ABCA3: variants seen among roughly 807,000 people sequenced by gnomAD.
The protein encoded by ABCA3 is ATP binding cassette subfamily A member 3, also known as phospholipid-transporting ATPase ABCA3.
Under a neutral mutation model 172.8 loss-of-function variants are expected in ABCA3, and 88 were observed. The observed-to-expected ratio is 0.51, with a 90% CI of 0.43 to 0.61. ABCA3 has a LOEUF of 0.61. Among genes scored for constraint, ABCA3 ranks in the 20% least tolerant of loss-of-function variants. The probability of loss-of-function intolerance (pLI) is 0.00; values close to 1 mark genes in which losing one functional copy is unlikely to be tolerated. For synonymous variants in ABCA3, 1,066 were observed against 983.8 expected, an observed-to-expected ratio of 1.08 and a Z score of -1.56; for missense variants, 2,164 against 2,301.0, an observed-to-expected ratio of 0.94 and a Z score of 1.22.
At chr16:2,335,990 T>C (rs750719426) in intron 1 of ABCA3, among the ~76,000 whole-genome samples, 3 of 152,200 alleles carry the variant, frequency 2.0e-5, no homozygotes, top group Non-Finnish European at 4.4e-5. Context: ...TCGTTTTTAA[T>C]GACAAATGAC....
Position 2,286,425 on chromosome 16 carries a change from T to C in ABCA3, c.3278+269A>G, listed in dbSNP as rs984504522. 6.6e-6 allele frequency among the ~76,000 whole-genome samples: 1 copy of C among 151,738 alleles called. No homozygotes were observed. Among genetic ancestry groups the C allele is most frequent in the East Asian group, 1.9e-4 (1 of 5,168 alleles). ...AGGACAGTGGCTGACAGGAGCCAGG[T>C]AGATTTAGGAGGAGAAGGCAGGGCT... On this transcript the variant is annotated intron_variant, in intron 22 of 32. Coordinates refer to ENST00000301732, the MANE Select transcript of ABCA3 (RefSeq NM_001089.3). This position sits in a 1 kb window ranked among gnomAD's most constrained non-coding sequence, Gnocchi z 5.2.
Position 2,286,552 on chromosome 16 carries a change from G to C in ABCA3, c.3278+142C>G, listed in dbSNP as rs1253413740. The stretch of plus-strand genomic sequence containing the variant: ...AGTTGGGGCTGTGGATGGTGGAGGA[G>C]GATGTGGCAGGGGTTTCCCACCAGA... On this transcript the variant is annotated intron_variant, in intron 22 of 32. Coordinates refer to ENST00000301732, the MANE Select transcript of ABCA3 (RefSeq NM_001089.3). The surrounding 1 kb of genome is among the most constrained non-coding windows in gnomAD (Gnocchi z 5.2). 1 of 1,110,006 alleles carries C rather than the reference G, an allele frequency of 9.0e-7. No individual in the cohort carries two copies. The highest frequency in any genetic ancestry group is 1.6e-5 in the African/African-American group (1 of 64,312). The allele number at this position is 1,110,006 out of a possible 1,614,324, so 68.8% of individuals were successfully genotyped here.
intron 7 of ABCA3, among the ~76,000 whole-genome samples, chr16:2,321,802 A>G (rs1192195225): frequency 6.6e-6 from 1 of 152,178 alleles, no homozygotes; most frequent in Non-Finnish European, 1.5e-5. Flanking sequence ...TCAGGTGCAC[A>G]AGGACCACGG....
chr16:2,278,149 A>G lies in ABCA3; in HGVS notation c.4719-80T>C. Reference sequence around the variant, plus strand: ...ACAGGAAGGCATTGGCTCTCCGATCAGGCTGTTCCTGATACCCATGCTCAG... The same window carrying G: ...ACAGGAAGGCATTGGCTCTCCGATCGGGCTGTTCCTGATACCCATGCTCAG... On this transcript the variant is annotated intron_variant, in intron 30 of 32. Transcript: ENST00000301732. The surrounding 1 kb of genome is among the most constrained non-coding windows in gnomAD (Gnocchi z 4.4). 1 of 1,602,698 alleles carries G rather than the reference A, an allele frequency of 6.2e-7. No homozygotes were observed. The highest frequency in any genetic ancestry group is 1.3e-5 in the African/African-American group (1 of 74,884).
chr16:2,280,273 A>C (rs2093653024), intron 28 of ABCA3, among the ~76,000 whole-genome samples: 1 of 152,232 alleles, frequency 6.6e-6, no homozygotes, highest in African/African-American at 2.4e-5. Flanking sequence ...AATCTTTTAT[A>C]ATCTGGCCTG....
At chr16:2,320,177 C>T (rs1364492854) in intron 7 of ABCA3, among the ~76,000 whole-genome samples, 3 of 151,968 alleles carry the variant, frequency 2.0e-5, no homozygotes, top group Non-Finnish European at 4.4e-5. Flanking sequence ...TGGCTCACTG[C>T]AACCTCCACC....
Position 2,281,588 on chromosome 16 carries a change from G to GGGGGC in ABCA3, c.4036-80_4036-79insGCCCC. ...CGTGGAGAAGGGAGGGGCGGGGGTG[G>GGGGGC]ATGTGGGAGGTCTGGTGGGACTAAG... On this transcript the variant is annotated intron_variant, in intron 26 of 32. Transcript: ENST00000301732. This position sits in a 1 kb window ranked among gnomAD's most constrained non-coding sequence, Gnocchi z 4.7. The GGGGGC allele has an allele frequency of 2.7e-5, 14 of 517,008 alleles. No homozygotes were observed. The highest frequency in any genetic ancestry group is 5.0e-5 in the Non-Finnish European group (13 of 260,086). The allele number at this position is 517,008 out of a possible 1,614,324, so 32.0% of individuals were successfully genotyped here.
chr16:2,298,749 C>T (rs886133212), intron 14 of ABCA3, among the ~76,000 whole-genome samples: 3 of 152,126 alleles, frequency 2.0e-5, no homozygotes, highest in Non-Finnish European at 2.9e-5. Flanking sequence ...GCCACTGGGA[C>T]GCACAGCTGG....
At position 2,285,691 on chromosome 16, in the gene ABCA3, G is replaced by C; in HGVS notation, c.3279-45C>G. On this transcript the variant is annotated intron_variant, in intron 22 of 32. Coordinates refer to ENST00000301732, the MANE Select transcript of ABCA3 (RefSeq NM_001089.3). The surrounding 1 kb of genome is among the most constrained non-coding windows in gnomAD (Gnocchi z 4.7). ...TCAGGGACGGAGCACAGCACGTCTG[G>C]GTGGCAGGAGAGGTCGGGTTCTCGG... is the stretch of plus-strand genomic sequence containing the variant. The C allele has an allele frequency of 6.5e-7, 1 of 1,544,688 alleles. No individual in the cohort carries two copies.
rs2141690569 is a variant in ABCA3, at chr16:2,281,001, T to C, written c.4359+26A>G. The C allele has an allele frequency of 6.2e-7, 1 of 1,613,686 alleles. No individual in the cohort carries two copies. Among genetic ancestry groups the C allele is most frequent in the Non-Finnish European group, 8.5e-7 (1 of 1,179,964 alleles). ...CCTCCAGCCATGCCTGTCTCACCCC[T>C]TCAGAGCCTCCCTGGCTGCACCCAC... On this transcript the variant is annotated intron_variant, in intron 28 of 32. Coordinates refer to ENST00000301732, the MANE Select transcript of ABCA3 (RefSeq NM_001089.3). The surrounding 1 kb of genome is among the most constrained non-coding windows in gnomAD (Gnocchi z 4.7).
Position 2,295,628 on chromosome 16 carries a change from G to C in ABCA3, c.2376C>G (p.Ala792=). 1 of 1,613,924 alleles carries C rather than the reference G, an allele frequency of 6.2e-7. No homozygotes were observed. Among genetic ancestry groups the C allele is most frequent in the Non-Finnish European group, 8.5e-7 (1 of 1,180,042 alleles). ...CTCTGGGAAGGATGAAAGACAGCTC[G>C]GCCCCAGCGCTGCTCTCCAGCGTGG... ...PNATLESSAG[A]ELSFILPRES... The change falls in exon 18 of 33, where the codon GCC becomes GCG. Residue 792 remains alanine, a synonymous_variant. Coordinates refer to ENST00000301732, the MANE Select transcript of ABCA3 (RefSeq NM_001089.3).
At chr16:2,292,473 G>A (rs915542010) in intron 18 of ABCA3, among the ~76,000 whole-genome samples, 1 of 151,952 alleles carries the variant, frequency 6.6e-6, no homozygotes, top group Non-Finnish European at 1.5e-5. Context: ...GGTAGCAGGT[G>A]CCTGTAGTCC....
chr16:2,303,268 T>C (rs930360018), intron 12 of ABCA3, among the ~76,000 whole-genome samples: 3 of 150,966 alleles, frequency 2.0e-5, no homozygotes, highest in Admixed American at 6.6e-5. Flanking sequence ...TTCTCTCTTT[T>C]TTTTTTTTTT....
rs1279877167 is a variant in ABCA3 at position 2,319,716 on chromosome 16, C to T, written c.738G>A (p.Pro246=). 16 of 1,613,526 alleles carry T rather than the reference C, an allele frequency of 9.9e-6. 1 individual carries two copies. Among genetic ancestry groups the T allele is most frequent in the East Asian group, 4.5e-5 (2 of 44,884 alleles). Residue 246 remains proline, a synonymous_variant, in exon 8 of 33, where the codon CCG becomes CCA. Coordinates refer to ENST00000301732, the MANE Select transcript of ABCA3 (RefSeq NM_001089.3). ...QRLTVTIKRF[P]YPPFIADPFL... is the part of the protein sequence containing the mutation. ...AGGGGTCTGCGATGAACGGCGGGTA[C>T]GGGAACCTCTTGATGGTCACCGTCA...
chr16:2,289,565 G>T lies in ABCA3; in HGVS notation c.2569C>A (p.Leu857Met). 1 of 1,560,536 alleles carries T rather than the reference G, an allele frequency of 6.4e-7. No individual in the cohort carries two copies. Among genetic ancestry groups the T allele is most frequent in the East Asian group, 2.4e-5 (1 of 42,442 alleles). ...MDIQAIQLPA[L>M]QYQHERRASD... ...GCGCGCCTCTCGTGCTGGTACTGCAGGGCAGGGAGCTGGATGGCCTGGATG... is the reference window on the plus strand; with the variant it reads ...GCGCGCCTCTCGTGCTGGTACTGCATGGCAGGGAGCTGGATGGCCTGGATG... Residue 857 changes from leucine to methionine, a missense_variant, in exon 20 of 33, where the codon CTG (leucine) becomes ATG (methionine). Physicochemically the swap from Leu to Met is conservative, Grantham distance 15. Coordinates refer to ENST00000301732, the MANE Select transcript of ABCA3 (RefSeq NM_001089.3).
Position 2,297,524 on chromosome 16 carries a change from C to T in ABCA3, c.2068G>A (p.Glu690Lys), listed in dbSNP as rs2141707325. Residue 690 changes from glutamate to lysine, a missense_variant, in exon 17 of 33, where the codon GAG becomes AAG. Transcript: ENST00000301732. The surrounding 1 kb of genome is among the most constrained non-coding windows in gnomAD (Gnocchi z 5.6). ...ATGGCGTCCATGCCCGAGGTGGGCT[C>T]GTCCAGTATCAGCACCTGGAGGGAG... Reference protein sequence around the residue: ...IAGSKVLILDEPTSGMDAISR... With the variant: ...IAGSKVLILDKPTSGMDAISR... 4 of 1,612,546 alleles carry T rather than the reference C, an allele frequency of 2.5e-6. No individual in the cohort carries two copies. The highest frequency in any genetic ancestry group is 2.5e-6 in the Non-Finnish European group (3 of 1,179,932).
At chr16:2,303,861 C>T in intron 12 of ABCA3, 108 bp downstream of exon 12, 2 of 1,282,882 alleles carry the variant, frequency 1.6e-6, no homozygotes, top group Non-Finnish European at 1.1e-6. Flanking sequence ...TGTGCCAGCC[C>T]CACGCAGGTG....
rs2141691127 is a variant in ABCA3, at chr16:2,281,482, G to A, written c.4063C>T (p.Leu1355Phe). 1 of 1,613,432 alleles carries A rather than the reference G, an allele frequency of 6.2e-7. No homozygotes were observed. Among genetic ancestry groups the A allele is most frequent in the East Asian group, 2.2e-5 (1 of 44,868 alleles). The change falls in exon 27 of 33, where the codon CTT becomes TTT. Residue 1355 changes from leucine to phenylalanine, a missense_variant. Transcript: ENST00000301732. The surrounding 1 kb of genome is among the most constrained non-coding windows in gnomAD (Gnocchi z 4.7). Reference sequence around the variant, plus strand: ...TCCGCTACATCTTGGTCCTCAGGAAGCACAGGCATCCGGGTGTATAATTCT... The same window carrying A: ...TCCGCTACATCTTGGTCCTCAGGAAACACAGGCATCCGGGTGTATAATTCT... ...LTELYTRMPV[L>F]PEDQDVADER...
chr16:2,323,537 T>G lies in ABCA3; in HGVS notation c.599A>C (p.Asp200Ala), dbSNP rs767050480. ...GAGCTTCTCACCAGGTTCTCCGCCA[T>G]CAGGGGATGTAGGTTCCCTTGGTCC... ...NPGPREPTSP[D>A]GGEPGYIREG... Residue 200 changes from aspartate to alanine, a missense_variant, in exon 7 of 33, where the codon GAT becomes GCT. By Grantham distance (126) the Asp-to-Ala change is moderately radical. Around this residue, in one of 3 missense-constraint regions of ABCA3, gnomAD observed 1,343 missense variants for 1,369.6 expected, o/e 0.98. Coordinates refer to ENST00000301732, the MANE Select transcript of ABCA3 (RefSeq NM_001089.3). 1.9e-6 allele frequency: 3 copies of G among 1,613,978 alleles called. No individual in the cohort carries two copies. Among genetic ancestry groups the G allele is most frequent in the Non-Finnish European group, 2.5e-6 (3 of 1,180,014 alleles).
Sources: allele counts gnomAD v4.1 joint callset (sites outside exome capture counted in the v4.1 genomes callset), GRCh38; gene constraint gnomAD v4.1.1; regional missense constraint gnomAD v4.1.1; non-coding constraint Gnocchi (gnomAD v3.1); transcripts MANE v1.5; gene names NCBI Gene and HGNC (gene_info 2026-07-23, HGNC 2026-07-21).